The following ELMOD1 variants were observed in gnomAD, a reference collection of about 807,000 sequenced individuals.
ELMOD1 encodes ELMO domain containing 1, also known as ELMO domain-containing protein 1.
In ELMOD1, 21 loss-of-function variants were observed where a neutral mutation model predicts 46.7. The ratio of observed to expected loss-of-function variants is 0.45; its 90% CI spans 0.32 to 0.65. The LOEUF is 0.65. Among genes scored for constraint, ELMOD1 ranks in the 30% least tolerant of loss-of-function variants. ELMOD1 has a pLI of 0.04. For synonymous variants in ELMOD1, 122 were observed against 138.2 expected (o/e 0.88, Z 0.82); for missense variants, 348 against 407.8 (o/e 0.85, Z 1.26).
intron 11 of ELMOD1, among the ~76,000 whole-genome samples, chr11:107,660,781 C>G (rs1214674404): frequency 6.6e-6 from 1 of 152,200 alleles, no homozygotes; most frequent in Non-Finnish European, 1.5e-5. Flanking sequence ...ATAGCCTGGC[C>G]TCTGTTTTCT....
chr11:107,656,569 C>A (rs532033047), intron 11 of ELMOD1, among the ~76,000 whole-genome samples: 242 of 151,868 alleles, frequency 1.6e-3, no homozygotes, highest in Admixed American at 2.6e-3. Context: ...TGTGATTTGG[C>A]TGCTTTGGAG....
chr11:107,601,416 C>CTTTTTTTTTTTTTT, intron 1 of ELMOD1, among the ~76,000 whole-genome samples: 1 of 122,120 alleles, frequency 8.2e-6, no homozygotes, highest in Non-Finnish European at 1.7e-5. Flanking sequence ...TTAATTTTTT[C>CTTTTTTTTTTTTTT]TTTTTTTTTT....
chr11:107,632,422 T>C (rs1387154020), intron 5 of ELMOD1, among the ~76,000 whole-genome samples: 2 of 152,210 alleles, frequency 1.3e-5, no homozygotes, highest in Non-Finnish European at 2.9e-5. Context: ...TGAGAAAGGC[T>C]TTTATTAATA....
At chr11:107,639,150 AAAT>A (rs1040637034) in intron 6 of ELMOD1, among the ~76,000 whole-genome samples, 23 of 151,850 alleles carry the variant, frequency 1.5e-4, no homozygotes, top group Admixed American at 1.3e-3. Flanking sequence ...CCTTTCTAAA[AAAT>A]AATAATAATA....
intron 1 of ELMOD1, among the ~76,000 whole-genome samples, chr11:107,616,154 C>A (rs183326828): frequency 4.0e-5 from 6 of 151,818 alleles, no homozygotes; most frequent in Admixed American, 3.3e-4. Context: ...CACCACCACA[C>A]CTGGCTAATT....
chr11:107,602,869 T>C (rs571442159), intron 1 of ELMOD1, among the ~76,000 whole-genome samples: 1 of 86,524 alleles, frequency 1.2e-5, no homozygotes, highest in South Asian at 3.2e-4. Context: ...TGGGGCTTGT[T>C]GACCATCTTT....
At chr11:107,654,272 G>C (rs1346093754) in intron 10 of ELMOD1, 50 bp downstream of exon 10, 1 of 1,440,424 alleles carries the variant, frequency 6.9e-7, no homozygotes. Context: ...AACAGAACCA[G>C]AACTAGAACT....
chr11:107,641,259 T>G (rs1359030262), intron 6 of ELMOD1, among the ~76,000 whole-genome samples: 1 of 151,630 alleles, frequency 6.6e-6, no homozygotes, highest in African/African-American at 2.4e-5. Context: ...GCCACCGCAC[T>G]CCTACCTGGG....
chr11:107,631,514 C>G, intron 4 of ELMOD1, 66 bp from the exon 5 acceptor site: 1 of 909,742 alleles, frequency 1.1e-6, no homozygotes, highest in South Asian at 2.3e-5. Context: ...AAGCCTCTAT[C>G]CCAGTAGATA....
intron 1 of ELMOD1, among the ~76,000 whole-genome samples, chr11:107,603,064 A>G (rs1257842122): frequency 6.6e-6 from 1 of 152,210 alleles, no homozygotes; most frequent in Non-Finnish European, 1.5e-5. Flanking sequence ...GTAGATTTTC[A>G]TGCAACCTCC....
At chr11:107,602,074 C>G (rs1226822667) in intron 1 of ELMOD1, among the ~76,000 whole-genome samples, 1 of 152,166 alleles carries the variant, frequency 6.6e-6, no homozygotes, top group Non-Finnish European at 1.5e-5. Context: ...CATGGAAGGT[C>G]TTGTATGTCT....
At chr11:107,624,805 C>G (rs1428528800) in intron 2 of ELMOD1, among the ~76,000 whole-genome samples, 1 of 152,076 alleles carries the variant, frequency 6.6e-6, no homozygotes, top group African/African-American at 2.4e-5. Flanking sequence ...GCTCTCTAAG[C>G]CTTCAGATAC....
At chr11:107,660,954 TG>T (rs1160623788) in intron 11 of ELMOD1, among the ~76,000 whole-genome samples, 1 of 152,212 alleles carries the variant, frequency 6.6e-6, no homozygotes, top group African/African-American at 2.4e-5. Flanking sequence ...GTTTCATATT[TG>T]TTCATCGGCA....
rs572169613 is a variant in ELMOD1, at chr11:107,602,272, T to C, written c.-86+10863T>C. Among the ~76,000 whole-genome samples the C allele has an allele frequency of 5.3e-5, 8 of 152,346 alleles. No individual in the cohort carries two copies. In the South Asian group the frequency reaches 1.7e-3, roughly 32 times the overall value. ...TTTGTTCCCCCTCTGGAAACTTTCT[T>C]GTGAAATTTCATCATAATATGCTTT... On this transcript the variant is annotated intron_variant, in intron 1 of 11. Coordinates refer to ENST00000265840, the MANE Select transcript of ELMOD1 (RefSeq NM_018712.4).
intron 2 of ELMOD1, among the ~76,000 whole-genome samples, chr11:107,627,110 A>C (rs926933024): frequency 2.0e-5 from 3 of 152,234 alleles, no homozygotes; most frequent in African/African-American, 7.2e-5. Flanking sequence ...TTAAAAAAAT[A>C]CAGTAACTAG....
At chr11:107,626,853 A>G (rs1288859110) in intron 2 of ELMOD1, among the ~76,000 whole-genome samples, 1 of 152,156 alleles carries the variant, frequency 6.6e-6, no homozygotes, top group Admixed American at 6.6e-5. Context: ...AGGGACTTAA[A>G]TAGGTCCAAA....
intron 1 of ELMOD1, among the ~76,000 whole-genome samples, chr11:107,605,444 G>A (rs1407850182): frequency 3.3e-5 from 5 of 152,038 alleles, no homozygotes; most frequent in Admixed American, 6.5e-5. Context: ...CAAGTGATCC[G>A]CCCACCTCAG....
intron 11 of ELMOD1, among the ~76,000 whole-genome samples, chr11:107,657,415 C>T (rs1451890824): frequency 3.9e-5 from 6 of 152,046 alleles, no homozygotes; most frequent in Non-Finnish European, 8.8e-5. Flanking sequence ...TAGTCCCAGC[C>T]ACTCAAGAGG....
intron 1 of ELMOD1, among the ~76,000 whole-genome samples, chr11:107,617,784 A>ATT (rs1865886891): frequency 6.6e-6 from 1 of 152,150 alleles, no homozygotes; most frequent in Non-Finnish European, 1.5e-5. Flanking sequence ...ATTGTTCTTC[A>ATT]TTTTTATTTT....
Sources: allele counts gnomAD v4.1 joint callset (sites outside exome capture counted in the v4.1 genomes callset), GRCh38; gene constraint gnomAD v4.1.1; transcripts MANE v1.5; gene names NCBI Gene and HGNC (gene_info 2026-07-23, HGNC 2026-07-21).